The following FSD1 variants were observed in gnomAD, a reference collection of about 807,000 sequenced individuals.
FSD1 encodes the protein fibronectin type III and SPRY domain containing 1.
FSD1 carries 23 observed loss-of-function variants against 58.2 expected under a neutral mutation model. The observed-to-expected ratio is 0.40, with a 90% confidence interval of 0.28 to 0.56. The LOEUF (loss-of-function observed/expected upper bound fraction) is 0.56. FSD1 is among the 20% of genes least tolerant of loss of function. FSD1 has a pLI of 0.54. For missense variants in FSD1, 563 were observed against 670.8 expected (o/e 0.84, Z 1.78); for synonymous variants, 265 against 263.4 (o/e 1.01, Z -0.06).
chr19:4,320,857 G>A (rs1181646990), intron 10 of FSD1, among the ~76,000 whole-genome samples: 2 of 149,350 alleles, frequency 1.3e-5, no homozygotes, highest in Admixed American at 1.3e-4. Context: ...AGTGTCTGGA[G>A]GGGAATAGCT....
intron 1 of FSD1, among the ~76,000 whole-genome samples, chr19:4,305,042 C>T (rs1360386526): frequency 7.0e-6 from 1 of 142,934 alleles, no homozygotes; most frequent in Non-Finnish European, 1.6e-5. Flanking sequence ...CCACGCCCTC[C>T]CTCCTGGCCG....
chr19:4,311,540 G>A (rs189854956), intron 6 of FSD1: 77 of 301,484 alleles, frequency 2.6e-4, no homozygotes, highest in African/African-American at 1.1e-3. Context: ...AAAATTAGCC[G>A]GGCCATGGTG....
rs372812225 is a variant in FSD1, at chr19:4,318,494, C to T, written c.948C>T (p.Asn316=). The T allele has an allele frequency of 1.6e-5, 25 of 1,608,184 alleles. No individual in the cohort carries two copies. In the African/African-American group the frequency reaches 2.1e-4, roughly 14 times the overall value. ...DGKGRTASPI[N]SPARGTPSPK... ...AGGGGCGGACGGCGTCTCCCATCAA[C>T]TCCCCAGCCAGGTAGCCTGCCCCCT... Residue 316 remains asparagine (N), a synonymous_variant, in exon 9 of 13, where the codon AAC becomes AAT. Transcript: ENST00000221856.
rs774997278 is a variant in FSD1, at chr19:4,311,861, C to T, written c.510C>T (p.Ile170=). 6 of 1,614,044 alleles carry T rather than the reference C, an allele frequency of 3.7e-6. No homozygotes were observed. In the African/African-American group the frequency reaches 4.0e-5, roughly 11 times the overall value. ...GGTCAGTGCCCAGCGCACCCGTGAT[C>T]GACCTGGCTGAGTCCCTGGTGGCAG... is the stretch of plus-strand genomic sequence containing the variant. ...KFLPVPSAPV[I]DLAESLVADN... Residue 170 remains isoleucine (I), a synonymous_variant, in exon 7 of 13, where the codon ATC becomes ATT. Coordinates refer to ENST00000221856, the MANE Select transcript of FSD1 (RefSeq NM_024333.3).
At chr19:4,307,010 G>C (rs1005957795) in intron 3 of FSD1, among the ~76,000 whole-genome samples, 1 of 152,192 alleles carries the variant, frequency 6.6e-6, no homozygotes, top group Non-Finnish European at 1.5e-5. Context: ...GTCCCAGGGG[G>C]AATCTAGAGC....
chr19:4,306,465 ACT>A (rs1244698018), intron 3 of FSD1, 136 bp downstream of exon 3: 4 of 719,606 alleles, frequency 5.6e-6, no homozygotes, highest in Non-Finnish European at 8.7e-6. Flanking sequence ...CCACCTGTAC[ACT>A]CTCTCTTTTT....
chr19:4,319,039 C>T lies in FSD1; in HGVS notation c.1039+88C>T, dbSNP rs967973631. The T allele has an allele frequency of 2.5e-5, 25 of 996,574 alleles. No individual in the cohort carries two copies. The East Asian group carries it at 2.8e-4, about 11-fold the overall frequency. The allele number at this position is 996,574 out of a possible 1,614,324, so 61.7% of individuals were successfully genotyped here. ...GAGGGAGAACCTTTGCCTTTGGCTG[C>T]GGAAACAGGCAGCCATCAGCAAAGC... is the stretch of plus-strand genomic sequence containing the variant. On this transcript the variant is annotated intron_variant, in intron 10 of 12. Transcript: ENST00000221856.
rs752854838 is a variant in FSD1, at chr19:4,311,973, G to A, written c.622G>A (p.Glu208Lys). The A allele has an allele frequency of 6.2e-6, 10 of 1,608,482 alleles. No homozygotes were observed. In the South Asian group the frequency reaches 9.9e-5, roughly 16 times the overall value. The change falls in exon 7 of 13, where the codon GAG (glutamate) becomes AAG (lysine). Residue 208 changes from glutamate (E) to lysine (K), a missense_variant. Glu to Lys is a moderately conservative substitution (Grantham distance 56). Coordinates refer to ENST00000221856, the MANE Select transcript of FSD1 (RefSeq NM_024333.3). Reference protein sequence around the residue: ...YVLEYRRTNFEGPPRLKEDQP... With the variant: ...YVLEYRRTNFKGPPRLKEDQP... ...GCTGGAGTACCGGCGGACCAACTTCGAGGGCCCGCCCCGCCTCAAGGAGGA... is the reference window on the plus strand; with the variant it reads ...GCTGGAGTACCGGCGGACCAACTTCAAGGGCCCGCCCCGCCTCAAGGAGGA...
chr19:4,310,806 CTG>C, intron 6 of FSD1: 1 of 543,810 alleles, frequency 1.8e-6, no homozygotes. Flanking sequence ...ACCCCACCCA[CTG>C]TGTAGTGACA....
rs760574679 is a variant in FSD1, at chr19:4,318,420, G to A, written c.874G>A (p.Ala292Thr). The change falls in exon 9 of 13, where the codon GCT becomes ACT. Residue 292 changes from alanine (A) to threonine (T), a missense_variant. Coordinates refer to ENST00000221856, the MANE Select transcript of FSD1 (RefSeq NM_024333.3). ...RVDDLSVEWD[A>T]MGGKVQDIKA... ...GGATGATCTCTCCGTGGAGTGGGACGCTATGGGCGGGAAGGTGCAGGATAT... is the reference window on the plus strand; with the variant it reads ...GGATGATCTCTCCGTGGAGTGGGACACTATGGGCGGGAAGGTGCAGGATAT... 12 of 1,613,890 alleles carry A rather than the reference G, an allele frequency of 7.4e-6. No individual in the cohort carries two copies. The South Asian group carries it at 1.1e-4, about 15-fold the overall frequency.
intron 10 of FSD1, 59 bp downstream of exon 10, chr19:4,319,010 GGTTGAGGGA>G: frequency 7.5e-7 from 1 of 1,339,154 alleles, no homozygotes; most frequent in Non-Finnish European, 1.1e-6. Flanking sequence ...TAATGGTGGG[GGTTGAGGGA>G]GAACCTTTGC....
chr19:4,317,943 G>A (rs1971772438), intron 8 of FSD1, among the ~76,000 whole-genome samples: 1 of 152,184 alleles, frequency 6.6e-6, no homozygotes, highest in Admixed American at 6.5e-5. Flanking sequence ...CTTGAACCCA[G>A]GAGGCGGAGG....
chr19:4,316,284 C>T (rs534595396), intron 7 of FSD1, among the ~76,000 whole-genome samples: 11 of 152,016 alleles, frequency 7.2e-5, no homozygotes, highest in African/African-American at 2.2e-4. Context: ...TGCAGTGGTG[C>T]GATCTTGGCT....
rs1336054363 is a variant in FSD1 at position 4,304,768 on chromosome 19, C to A, written c.15+7C>A. 3 of 73,026 alleles carry A rather than the reference C, an allele frequency of 4.1e-5. No homozygotes were observed. The highest frequency in any genetic ancestry group is 2.1e-4 in the East Asian group (1 of 4,730). 4.5% of individuals were successfully genotyped at this position (73,026 alleles called of 1,614,324 possible). A position where few individuals can be genotyped will look rare whatever the true frequency, so the allele number is the denominator to read the frequency against. On this transcript the variant is annotated splice_region_variant and intron_variant, in intron 1 of 12. Coordinates refer to ENST00000221856, the MANE Select transcript of FSD1 (RefSeq NM_024333.3). ...AGCCATGGAAGAACAGAGGGTAGGA[C>A]GGGGTGGGGCAGGGCGGGCCCGCAG...
chr19:4,315,260 GGACTACAGGCAC>G (rs1971740667), intron 7 of FSD1, among the ~76,000 whole-genome samples: 1 of 150,870 alleles, frequency 6.6e-6, no homozygotes. Context: ...CAAGTAGCTT[GGACTACAGGCAC>G]TATAGGCATG....
chr19:4,319,799 A>G (rs1030501893), intron 10 of FSD1, among the ~76,000 whole-genome samples: 23 of 152,196 alleles, frequency 1.5e-4, no homozygotes, highest in Admixed American at 2.0e-4. Context: ...AGTAGCTGAG[A>G]TCAGGGAGGA....
intron 7 of FSD1, among the ~76,000 whole-genome samples, chr19:4,316,877 A>G (rs1335174445): frequency 6.6e-6 from 1 of 151,978 alleles, no homozygotes; most frequent in Non-Finnish European, 1.5e-5. Flanking sequence ...CAGCCTCCTG[A>G]GTAGCTGGGA....
rs1179040304 is a variant in FSD1, at chr19:4,323,645, C to A, written c.*2C>A. 1 of 1,601,950 alleles carries A rather than the reference C, an allele frequency of 6.2e-7. No homozygotes were observed. The highest frequency in any genetic ancestry group is 2.2e-5 in the East Asian group (1 of 44,686). ...AGCTCCAACACCAGCCTCACCTAGG[C>A]CCCCAGGCACCCACCCAGCTGGGGT... On this transcript the variant is annotated 3_prime_UTR_variant, in exon 13 of 13. Transcript: ENST00000221856. The surrounding 1 kb of genome is among the most constrained non-coding windows in gnomAD (Gnocchi z 7.7).
At position 4,323,717 on chromosome 19, in the gene FSD1, C is replaced by G; in HGVS notation, c.*74C>G. The G allele has an allele frequency of 2.0e-6, 2 of 1,021,838 alleles. No homozygotes were observed. Among genetic ancestry groups the G allele is most frequent in the South Asian group, 2.9e-5 (2 of 67,804 alleles). 63.3% of individuals were successfully genotyped at this position (1,021,838 alleles called of 1,614,324 possible). On this transcript the variant is annotated 3_prime_UTR_variant, in exon 13 of 13. Coordinates refer to ENST00000221856, the MANE Select transcript of FSD1 (RefSeq NM_024333.3). The surrounding 1 kb of genome is among the most constrained non-coding windows in gnomAD (Gnocchi z 7.7). ...AAGCCCAGGCTGCTGGAGCCAGGCACCCTCCTCTGTCACTTGCTGCTTGGA... is the reference window on the plus strand; with the variant it reads ...AAGCCCAGGCTGCTGGAGCCAGGCAGCCTCCTCTGTCACTTGCTGCTTGGA...
Sources: gnomAD v4.1 joint callset for allele counts (sites outside exome capture counted in the v4.1 genomes callset) on GRCh38, gnomAD v4.1.1 for gene constraint, Gnocchi (gnomAD v3.1) non-coding constraint, MANE v1.5 for transcripts, NCBI Gene and HGNC (gene_info 2026-07-23, HGNC 2026-07-21) for gene names.